METTL15: variants seen among roughly 807,000 people sequenced by gnomAD.
The protein encoded by METTL15 is 12S rRNA N(4)-cytidine methyltransferase METTL15.
In METTL15, 34 loss-of-function variants were observed where a neutral mutation model predicts 38.3. The observed-to-expected ratio is 0.89, with a 90% CI of 0.68 to 1.18. The LOEUF is 1.18. Among genes scored for constraint, METTL15 ranks in the 50% most tolerant of loss-of-function variants. The pLI, the probability that METTL15 is intolerant of heterozygous loss-of-function variation, is 0.00. For missense variants in METTL15, 438 were observed against 498.4 expected, an observed-to-expected ratio of 0.88 and a Z score of 1.15; for synonymous variants, 162 against 170.9, an observed-to-expected ratio of 0.95 and a Z score of 0.41.
Position 28,194,192 on chromosome 11 carries a change from C to CCTCTCT in METTL15, c.271-16855_271-16850dup, listed in dbSNP as rs10696048. Reference sequence around the variant, plus strand: ...TCTTTCTTTTTCTCTCTCTCTCTCTCCTCTCTCTCTCTCTCTCTCTTAATA... The same window carrying CCTCTCT: ...TCTTTCTTTTTCTCTCTCTCTCTCTCCTCTCTCTCTCTCTCTCTCTCTCTCTTAATA... On this transcript the variant is annotated intron_variant, in intron 3 of 6. Transcript: ENST00000407364. Among the ~76,000 whole-genome samples, 656 of 125,112 alleles carry CCTCTCT rather than the reference C, an allele frequency of 5.2e-3. 5 individuals carry two copies. The highest frequency in any genetic ancestry group is 0.012 in the Middle Eastern group (3 of 248). The allele number at this position is 125,112 out of a possible 152,430, so 82.1% of individuals were successfully genotyped here. A position where few individuals can be genotyped will look rare whatever the true frequency, so the allele number is the denominator to read the frequency against.
chr11:28,175,057 A>G (rs1169073954), intron 3 of METTL15, among the ~76,000 whole-genome samples: 1 of 152,018 alleles, frequency 6.6e-6, no homozygotes, highest in Non-Finnish European at 1.5e-5. Flanking sequence ...GTAACTCATC[A>G]TTTAACATTA....
intron 3 of METTL15, among the ~76,000 whole-genome samples, chr11:28,209,723 A>G (rs760421176): frequency 6.6e-6 from 1 of 151,972 alleles, no homozygotes; most frequent in South Asian, 2.1e-4. Flanking sequence ...AGCATGGTAG[A>G]TACGAGCCAA....
chr11:28,531,515 A>G (rs1393740351), downstream of METTL15, among the ~76,000 whole-genome samples: 1 of 152,042 alleles, frequency 6.6e-6, no homozygotes, highest in East Asian at 1.9e-4. Flanking sequence ...TTATTTGAAT[A>G]TTGCTTCAGA....
intron 4 of METTL15, among the ~76,000 whole-genome samples, chr11:28,359,382 A>T (rs1463969638): frequency 6.6e-6 from 1 of 152,208 alleles, no homozygotes; most frequent in Non-Finnish European, 1.5e-5. Context: ...TGCAGTGAAC[A>T]TATGAGTGCA....
intron 6 of METTL15, among the ~76,000 whole-genome samples, chr11:28,475,334 C>T (rs1416192638): frequency 6.6e-6 from 1 of 151,314 alleles, no homozygotes; most frequent in Non-Finnish European, 1.5e-5. Flanking sequence ...TGTGAAGTCA[C>T]TTCTTTTTCT....
chr11:28,456,102 C>G (rs1851166178), intron 6 of METTL15, among the ~76,000 whole-genome samples: 1 of 151,946 alleles, frequency 6.6e-6, no homozygotes, highest in Admixed American at 6.6e-5. Context: ...AACTCCTGAG[C>G]TCAAGTGTTC....
chr11:28,443,546 A>G (rs1851052246), intron 6 of METTL15, among the ~76,000 whole-genome samples: 2 of 152,070 alleles, frequency 1.3e-5, no homozygotes, highest in South Asian at 4.2e-4. Flanking sequence ...TCACATTCTC[A>G]CATGAATGTC....
intron 4 of METTL15, among the ~76,000 whole-genome samples, chr11:28,280,208 T>G (rs985819877): frequency 1.4e-5 from 2 of 148,112 alleles, no homozygotes; most frequent in Non-Finnish European, 3.0e-5. Context: ...TATTTTATTC[T>G]GCCTGAAGAA....
chr11:28,469,422 A>G (rs1851284932), intron 6 of METTL15, among the ~76,000 whole-genome samples: 1 of 152,182 alleles, frequency 6.6e-6, no homozygotes, highest in South Asian at 2.1e-4. Flanking sequence ...TTGTATGGTG[A>G]GAACACTTGA....
chr11:28,315,982 C>G (rs1175843829), intron 6 of METTL15, among the ~76,000 whole-genome samples: 4 of 152,196 alleles, frequency 2.6e-5, no homozygotes, highest in Non-Finnish European at 5.9e-5. Flanking sequence ...GGGCTTGGGC[C>G]CTCATGGAGA....
intron 3 of METTL15, among the ~76,000 whole-genome samples, chr11:28,174,936 ATTTTT>A (rs1810651424): frequency 7.9e-6 from 1 of 126,232 alleles, no homozygotes; most frequent in Non-Finnish European, 1.8e-5. Context: ...AATTTACTTT[ATTTTT>A]ATTTTATTAT....
At chr11:28,274,805 A>T (rs570036833) in intron 4 of METTL15, among the ~76,000 whole-genome samples, 3 of 152,088 alleles carry the variant, frequency 2.0e-5, no homozygotes, top group Admixed American at 1.3e-4. Flanking sequence ...CTAGGATAAG[A>T]GGGATAGCAT....
intron 6 of METTL15, among the ~76,000 whole-genome samples, chr11:28,313,500 T>C (rs1305642083): frequency 6.6e-6 from 1 of 151,968 alleles, no homozygotes. Context: ...TATTTTTCTA[T>C]TATAAAAGTA....
intron 5 of METTL15, among the ~76,000 whole-genome samples, chr11:28,421,929 T>TGA (rs1850824020): frequency 6.6e-6 from 1 of 151,966 alleles, no homozygotes; most frequent in Non-Finnish European, 1.5e-5. Context: ...TGATCTTATA[T>TGA]TTGGAATACC....
chr11:28,357,043 A>G (rs1477673873), intron 4 of METTL15, among the ~76,000 whole-genome samples: 1 of 152,182 alleles, frequency 6.6e-6, no homozygotes, highest in Non-Finnish European at 1.5e-5. Flanking sequence ...TGCTATTAAC[A>G]TCCTGGCTCA....
At position 28,285,914 on chromosome 11, in the gene METTL15, G is replaced by T. The variant is rs10767711; in HGVS notation, c.408-4292G>T. ...AGAGTTGTGACTTGTGCCAATTTCT[G>T]AACCAATTATAGTGGGCCATTGGGA... is the stretch of plus-strand genomic sequence containing the variant. On this transcript the variant is annotated intron_variant, in intron 4 of 6. Transcript: ENST00000407364. Among the ~76,000 whole-genome samples the T allele has an allele frequency of 0.023, 3,481 of 152,110 alleles. 308 individuals are homozygous for T. The East Asian group carries it at 0.32, about 14-fold the overall frequency.
chr11:28,442,065 T>G (rs1851039511), intron 6 of METTL15, among the ~76,000 whole-genome samples: 1 of 152,176 alleles, frequency 6.6e-6, no homozygotes, highest in African/African-American at 2.4e-5. Flanking sequence ...AATTTTCTTT[T>G]CAACTAACTT....
chr11:28,185,141 T>G (rs568196759), intron 3 of METTL15, among the ~76,000 whole-genome samples: 27 of 151,668 alleles, frequency 1.8e-4, no homozygotes, highest in African/African-American at 6.3e-4. Flanking sequence ...AAATTATATA[T>G]AAACTCTGTA....
intron 5 of METTL15, among the ~76,000 whole-genome samples, chr11:28,389,243 T>A (rs906742780): frequency 6.6e-5 from 10 of 150,498 alleles, no homozygotes; most frequent in African/African-American, 2.4e-4. Context: ...TCTTTTTTTT[T>A]ATTATACTTT....
Sources: allele counts gnomAD v4.1 joint callset (sites outside exome capture counted in the v4.1 genomes callset), GRCh38; gene constraint gnomAD v4.1.1; transcripts MANE v1.5; gene names NCBI Gene and HGNC (gene_info 2026-07-23, HGNC 2026-07-21).